SLC26A7: variants seen among roughly 807,000 people sequenced by gnomAD.
SLC26A7 encodes anion exchange transporter.
A neutral mutation model predicts 82.5 loss-of-function variants in SLC26A7; 59 were observed. The ratio of observed to expected loss-of-function variants is 0.72; its 90% CI spans 0.58 to 0.89. The LOEUF is 0.89. Among genes scored for constraint, SLC26A7 ranks in the 40% least tolerant of loss-of-function variants. The pLI is 0.00. For missense variants in SLC26A7, 820 were observed against 793.0 expected (o/e 1.03, Z -0.41); for synonymous variants, 271 against 274.3 (o/e 0.99, Z 0.12).
In SLC26A7 at chr8:91,305,414, T is replaced by A. The variant is rs534131811; in HGVS notation, c.477+9711T>A. On this transcript the variant is annotated intron_variant, in intron 4 of 18. Transcript: ENST00000276609. ...AGTCAATAAAATCTCCCACCTTTTC[T>A]TATGAATACTCCCACATCTGATGAA... is the stretch of plus-strand genomic sequence containing the variant. Among the ~76,000 whole-genome samples the A allele has an allele frequency of 1.5e-3, 236 of 152,314 alleles. 2 individuals carry two copies. The highest frequency in any genetic ancestry group is 4.1e-3 in the South Asian group (20 of 4,830).
chr8:91,224,932 C>G (rs1408967387), intron 2 of SLC26A7, among the ~76,000 whole-genome samples: 2 of 152,196 alleles, frequency 1.3e-5, no homozygotes, highest in South Asian at 2.1e-4. Context: ...AAGGATGGGT[C>G]AGGGTTAGAC....
At chr8:91,211,924 G>A (rs751868496) in intron 1 of SLC26A7, among the ~76,000 whole-genome samples, 1 of 152,024 alleles carries the variant, frequency 6.6e-6, no homozygotes, top group Non-Finnish European at 1.5e-5. Context: ...TCAGGTGAAT[G>A]TAAAATTATG....
At chr8:91,252,690 A>T (rs1810692766) in intron 2 of SLC26A7, among the ~76,000 whole-genome samples, 1 of 152,102 alleles carries the variant, frequency 6.6e-6, no homozygotes, top group African/African-American at 2.4e-5. Context: ...TTTATTTATT[A>T]ATTTTTAAAA....
intron 5 of SLC26A7, among the ~76,000 whole-genome samples, chr8:91,329,345 C>T (rs1223300340): frequency 1.3e-5 from 2 of 152,150 alleles, no homozygotes; most frequent in African/African-American, 4.8e-5. Context: ...TCTGTGGGTC[C>T]ACATGACAGT....
intron 11 of SLC26A7, among the ~76,000 whole-genome samples, chr8:91,357,559 G>C (rs1188257446): frequency 6.6e-6 from 1 of 152,116 alleles, no homozygotes; most frequent in Non-Finnish European, 1.5e-5. Context: ...CTAGCCATAG[G>C]TAGAAAGCTG....
intron 15 of SLC26A7, among the ~76,000 whole-genome samples, chr8:91,383,763 TA>T (rs1359790327): frequency 6.6e-6 from 1 of 152,212 alleles, no homozygotes; most frequent in African/African-American, 2.4e-5. Context: ...TTGCTGGGTC[TA>T]CCTCCACTGC....
chr8:91,257,251 A>G (rs760469120), intron 2 of SLC26A7, among the ~76,000 whole-genome samples: 41 of 152,078 alleles, frequency 2.7e-4, no homozygotes, highest in Non-Finnish European at 1.5e-5. Flanking sequence ...TGAATAATAG[A>G]TTTTACCATG....
At chr8:91,283,512 G>A (rs1811628882) in intron 2 of SLC26A7, among the ~76,000 whole-genome samples, 2 of 152,136 alleles carry the variant, frequency 1.3e-5, no homozygotes, top group African/African-American at 4.8e-5. Context: ...ATGTAGCACA[G>A]GATTGAATCT....
intron 15 of SLC26A7, among the ~76,000 whole-genome samples, chr8:91,376,674 C>A (rs909852894): frequency 6.6e-6 from 1 of 152,046 alleles, no homozygotes; most frequent in Non-Finnish European, 1.5e-5. Flanking sequence ...TTTTGTGGGG[C>A]AGTTCAGGCT....
intron 1 of SLC26A7, among the ~76,000 whole-genome samples, chr8:91,211,893 T>G (rs1232476861): frequency 2.0e-5 from 3 of 152,016 alleles, no homozygotes; most frequent in Non-Finnish European, 4.4e-5. Context: ...CAATCAAATA[T>G]CAAGTTGTAA....
intron 2 of SLC26A7, among the ~76,000 whole-genome samples, chr8:91,232,866 T>C (rs1245508374): frequency 6.6e-6 from 1 of 152,176 alleles, no homozygotes; most frequent in African/African-American, 2.4e-5. Flanking sequence ...TACAGATGAT[T>C]GAATGAGTTG....
At chr8:91,289,746 A>C (rs1421741805) in intron 3 of SLC26A7, among the ~76,000 whole-genome samples, 1 of 152,210 alleles carries the variant, frequency 6.6e-6, no homozygotes, top group African/African-American at 2.4e-5. Flanking sequence ...CTACTCAAAA[A>C]ACAGTGAAAA....
chr8:91,218,185 C>G (rs1030339731), intron 1 of SLC26A7, among the ~76,000 whole-genome samples: 2 of 152,104 alleles, frequency 1.3e-5, no homozygotes, highest in African/African-American at 4.8e-5. Flanking sequence ...TTCCCAGTTA[C>G]CAGTTGTGGA....
chr8:91,391,651 C>A lies in SLC26A7; in HGVS notation c.1777-2146C>A, dbSNP rs187332220. 3.8e-3 allele frequency among the ~76,000 whole-genome samples: 572 copies of A among 152,238 alleles called. 2 individuals are homozygous for A. Among genetic ancestry groups the A allele is most frequent in the Non-Finnish European group, 5.4e-3 (369 of 68,022 alleles). ...CTATGTTCCTAAAGTCTACAAGAGT[C>A]TCTTATAATTGTGTGTTTAAGGCTC... On this transcript the variant is annotated intron_variant, in intron 16 of 18. Coordinates refer to ENST00000276609, the MANE Select transcript of SLC26A7 (RefSeq NM_052832.4).
chr8:91,263,458 C>G (rs977165152), intron 2 of SLC26A7, among the ~76,000 whole-genome samples: 1 of 152,016 alleles, frequency 6.6e-6, no homozygotes, highest in Non-Finnish European at 1.5e-5. Flanking sequence ...CTGAAAGCAA[C>G]TATAAGTGCA....
intron 13 of SLC26A7, among the ~76,000 whole-genome samples, chr8:91,365,091 CACTCAGTGAATTCAACCCCACT>C (rs1814154775): frequency 6.6e-6 from 1 of 152,158 alleles, no homozygotes; most frequent in South Asian, 2.1e-4. Flanking sequence ...GATCTCTTCC[CACTCAGTGAATTCAACCCCACT>C]GATAATTTCT....
At chr8:91,340,307 G>T in intron 7 of SLC26A7, 97 bp from the exon 8 acceptor site, 1 of 1,456,940 alleles carries the variant, frequency 6.9e-7, no homozygotes. Flanking sequence ...CTTAGTCTAT[G>T]TAAACTTCAG....
intron 2 of SLC26A7, among the ~76,000 whole-genome samples, chr8:91,278,688 A>G (rs1002841909): frequency 2.0e-5 from 3 of 152,166 alleles, no homozygotes; most frequent in Non-Finnish European, 4.4e-5. Flanking sequence ...TGATATATGT[A>G]TGCAGTATGA....
At chr8:91,273,372 G>T (rs1811322868) in intron 2 of SLC26A7, among the ~76,000 whole-genome samples, 1 of 152,102 alleles carries the variant, frequency 6.6e-6, no homozygotes, top group East Asian at 1.9e-4. Flanking sequence ...TTGTAGAATA[G>T]AAAGAGAAAT....
Sources: allele counts gnomAD v4.1 joint callset (sites outside exome capture counted in the v4.1 genomes callset), GRCh38; gene constraint gnomAD v4.1.1; transcripts MANE v1.5; gene names NCBI Gene and HGNC (gene_info 2026-07-23, HGNC 2026-07-21).